PCDH15: variants seen among roughly 807,000 people sequenced by gnomAD.
PCDH15 encodes the protein protocadherin-15.
Under a neutral mutation model 178.5 loss-of-function variants are expected in PCDH15, and 129 were observed. That is an observed-to-expected ratio of 0.72 (90% CI 0.63 to 0.84). The LOEUF is 0.84. Among genes scored for constraint, PCDH15 ranks in the 40% least tolerant of loss-of-function variants. The pLI, the probability that PCDH15 is intolerant of heterozygous loss-of-function variation, is 0.00. For missense variants in PCDH15, 2,230 were observed against 2,099.9 expected, an observed-to-expected ratio of 1.06 and a Z score of -1.21; for synonymous variants, 800 against 732.0, an observed-to-expected ratio of 1.09 and a Z score of -1.50.
At chr10:55,084,312 G>A (rs952770128) in intron 2 of PCDH15, among the ~76,000 whole-genome samples, 3 of 151,558 alleles carry the variant, frequency 2.0e-5, no homozygotes, top group East Asian at 1.9e-4. Flanking sequence ...CGCCAAGAGC[G>A]TACATTGGGG....
At chr10:54,422,064 A>G (rs35317258) in intron 3 of PCDH15, among the ~76,000 whole-genome samples, 1,780 of 151,356 alleles carry the variant, frequency 0.012, 23 homozygotes, top group Non-Finnish European at 0.018. Context: ...CAATAAATAA[A>G]TAAATAACTT....
At chr10:53,999,776 G>T (rs554376536) in intron 20 of PCDH15, among the ~76,000 whole-genome samples, 1 of 152,276 alleles carries the variant, frequency 6.6e-6, no homozygotes, top group East Asian at 1.9e-4. Flanking sequence ...GGAGATTTTT[G>T]CCACCCTGAA....
chr10:55,461,918 C>G (rs939979863), intron 2 of PCDH15, among the ~76,000 whole-genome samples: 2 of 152,052 alleles, frequency 1.3e-5, no homozygotes, highest in African/African-American at 4.8e-5. Context: ...GAAGCATTCA[C>G]TATTTTACCA....
intron 2 of PCDH15, among the ~76,000 whole-genome samples, chr10:55,355,565 CA>C (rs1415350015): frequency 6.6e-6 from 1 of 151,744 alleles, no homozygotes; most frequent in African/African-American, 2.4e-5. Context: ...AGGTCTTTTC[CA>C]ATTTTTAAAA....
intron 9 of PCDH15, among the ~76,000 whole-genome samples, chr10:54,218,250 G>C (rs1278799033): frequency 2.6e-5 from 4 of 151,970 alleles, no homozygotes; most frequent in African/African-American, 9.7e-5. Context: ...TAAATGAATG[G>C]ATCATGGCAT....
chr10:53,894,481 G>T (rs2081812919), intron 26 of PCDH15, among the ~76,000 whole-genome samples: 2 of 152,088 alleles, frequency 1.3e-5, no homozygotes, highest in African/African-American at 4.8e-5. Flanking sequence ...CTCATACTTG[G>T]CAATGGGGAA....
rs138246323 is a variant in PCDH15 at position 55,354,367 on chromosome 10, A to C, written c.-155-187716T>G. On this transcript the variant is annotated intron_variant, in intron 2 of 5. Transcript: ENST00000613346. ...TAATAATGAGAATTCCGAATTAAAT[A>C]GGGCACAATCGGACTTAAAGCAGCT... Among the ~76,000 whole-genome samples the C allele has an allele frequency of 5.3e-3, 801 of 152,196 alleles. 8 individuals are homozygous for C. The highest frequency in any genetic ancestry group is 0.031 in the Middle Eastern group (9 of 294).
At chr10:54,134,763 A>C (rs1353993820) in intron 14 of PCDH15, among the ~76,000 whole-genome samples, 1 of 147,104 alleles carries the variant, frequency 6.8e-6, no homozygotes, top group Non-Finnish European at 1.5e-5. Context: ...AAAAAAAGAA[A>C]AAAAAAAAAA....
intron 8 of PCDH15, among the ~76,000 whole-genome samples, chr10:54,292,454 G>A (rs528873481): frequency 6.6e-6 from 1 of 152,244 alleles, no homozygotes; most frequent in South Asian, 2.1e-4. Context: ...TCAACATAGT[G>A]TTGGAAGTTC....
At chr10:54,409,886 T>C (rs1270293862) in intron 3 of PCDH15, among the ~76,000 whole-genome samples, 4 of 152,146 alleles carry the variant, frequency 2.6e-5, no homozygotes, top group Non-Finnish European at 5.9e-5. Flanking sequence ...TCACCATGTA[T>C]GATACAGCAA....
chr10:54,803,217 C>T (rs962033193), upstream of PCDH15, among the ~76,000 whole-genome samples: 5 of 152,116 alleles, frequency 3.3e-5, no homozygotes, highest in Non-Finnish European at 7.4e-5. Flanking sequence ...CCTTTTTTCT[C>T]TTAAAATATA....
In PCDH15 at chr10:53,827,523, CA is replaced by C; in HGVS notation, c.4236del (p.Ala1413HisfsTer55). 1.2e-6 allele frequency: 2 copies of C among 1,614,108 alleles called. No homozygotes were observed. Among genetic ancestry groups the C allele is most frequent in the Non-Finnish European group, 1.7e-6 (2 of 1,179,970 alleles). ...GCGGGTAATGCGGCCTGAATTCGTG[CA>C]GTCTTTGTACACTCAGCTTGACGTC... ...FKVRQAECTK[T>X]ARIQAALPAA... On this transcript the variant is annotated frameshift_variant, in exon 32 of 38. Coordinates refer to ENST00000644397, the MANE Select transcript of PCDH15 (RefSeq NM_001384140.1). LOFTEE classifies it high-confidence loss of function.
At chr10:54,823,245 G>A (rs530418916) in intron 3 of PCDH15, among the ~76,000 whole-genome samples, 26 of 151,026 alleles carry the variant, frequency 1.7e-4, no homozygotes, top group Non-Finnish European at 3.0e-4. Context: ...ACACGCACAC[G>A]CATATACATT....
rs151300750 is a variant in PCDH15 at position 54,411,115 on chromosome 10, G to A, written c.158-32173C>T. Among the ~76,000 whole-genome samples, 716 of 152,250 alleles carry A rather than the reference G, an allele frequency of 4.7e-3. 8 individuals carry two copies. The highest frequency in any genetic ancestry group is 0.016 in the African/African-American group (659 of 41,562). ...GTTATTCAAGTAAAAAGCACCTGCC[G>A]CTACCATAACAGGTATGATCTAGGC... On this transcript the variant is annotated intron_variant, in intron 3 of 37. Transcript: ENST00000644397.
chr10:54,901,950 A>C (rs1954645236), intron 2 of PCDH15, among the ~76,000 whole-genome samples: 1 of 151,094 alleles, frequency 6.6e-6, no homozygotes, highest in African/African-American at 2.4e-5. Flanking sequence ...TCTTCTATAT[A>C]TATATTTATT....
chr10:54,976,785 C>G (rs1839083174), intron 2 of PCDH15, among the ~76,000 whole-genome samples: 1 of 152,138 alleles, frequency 6.6e-6, no homozygotes, highest in Admixed American at 6.6e-5. Flanking sequence ...ATTTTGTTTA[C>G]TTTCATTAAT....
At chr10:54,761,671 A>G (rs1458920751) in intron 1 of PCDH15, among the ~76,000 whole-genome samples, 1 of 149,916 alleles carries the variant, frequency 6.7e-6, no homozygotes, top group Non-Finnish European at 1.5e-5. Flanking sequence ...CAACATAGCG[A>G]GACTCTGTCT....
intron 26 of PCDH15, among the ~76,000 whole-genome samples, chr10:53,870,710 C>T (rs190389479): frequency 6.6e-5 from 10 of 152,074 alleles, no homozygotes; most frequent in Middle Eastern, 3.4e-3. Context: ...TTTTAAAATC[C>T]GAAACCTCTC....
chr10:54,033,814 G>T, intron 18 of PCDH15, among the ~76,000 whole-genome samples: 1 of 151,838 alleles, frequency 6.6e-6, no homozygotes, highest in East Asian at 1.9e-4. Context: ...GTGACATTTT[G>T]CTTATCAGGT....
Sources: allele counts gnomAD v4.1 joint callset (sites outside exome capture counted in the v4.1 genomes callset), GRCh38; gene constraint gnomAD v4.1.1; transcripts MANE v1.5; gene names NCBI Gene and HGNC (gene_info 2026-07-23, HGNC 2026-07-21).